FASN: variants seen among roughly 807,000 people sequenced by gnomAD.
FASN encodes the protein 3-hydroxyacyl-[acyl-carrier-protein] dehydratase.
A neutral mutation model predicts 250.0 loss-of-function variants in FASN; 50 were observed. That is an observed-to-expected ratio of 0.20 (90% CI 0.16 to 0.25). The LOEUF is 0.25. FASN is among the 10% of genes least tolerant of loss of function. The pLI is 1.00. For missense variants in FASN, 3,031 were observed against 3,498.5 expected (o/e 0.87, Z 3.37); for synonymous variants, 1,909 against 1,584.0 (o/e 1.21, Z -4.87).
rs2144792689 is a variant in FASN, at chr17:82,086,640, C to T, written c.3428-82G>A. 3 of 1,051,820 alleles carry T rather than the reference C, an allele frequency of 2.9e-6. No individual in the cohort carries two copies. The Admixed American group carries it at 5.6e-5, about 20-fold the overall frequency. The allele number at this position is 1,051,820 out of a possible 1,614,324, so 65.2% of individuals were successfully genotyped here. A position where few individuals can be genotyped will look rare whatever the true frequency, so the allele number is the denominator to read the frequency against. On this transcript the variant is annotated intron_variant, in intron 21 of 42. Transcript: ENST00000306749. ...CATGGGCTCTCAGACCCACTCTGTCCTTCTGGGGCCACCACCCCGCTCTGC... is the reference window on the plus strand; with the variant it reads ...CATGGGCTCTCAGACCCACTCTGTCTTTCTGGGGCCACCACCCCGCTCTGC...
At chr17:82,089,765 C>T (rs4969486) in intron 11 of FASN, 39 bp from the exon 12 acceptor site, 69,686 of 1,531,286 alleles carry the variant, frequency 0.046, 2,925 homozygotes, top group South Asian at 0.17. Flanking sequence ...GCGTGGACAC[C>T]GAGCCGCTCC....
rs371263473 is a variant in FASN at position 82,093,671 on chromosome 17, G to C, written c.381C>G (p.Leu127=). The change falls in exon 4 of 43, where the codon CTC becomes CTG. Residue 127 remains leucine (L), a synonymous_variant. Coordinates refer to ENST00000306749, the MANE Select transcript of FASN (RefSeq NM_004104.5). ...GGCAGCCCACCATGCTGTAGCCCAC[G>C]AGTGTCTCGGGGTCTCGGCTCAGGG... ...SEALSRDPET[L]VGYSMVGCQR... is the part of the protein sequence containing the mutation. 2.5e-6 allele frequency: 4 copies of C among 1,612,816 alleles called. No individual in the cohort carries two copies. The South Asian group carries it at 4.4e-5, about 18-fold the overall frequency.
In FASN at chr17:82,089,030, G is replaced by A. The variant is rs1253130999; in HGVS notation, c.2243C>T (p.Ala748Val). The A allele has an allele frequency of 6.2e-7, 1 of 1,607,212 alleles. No individual in the cohort carries two copies. Among genetic ancestry groups the A allele is most frequent in the Non-Finnish European group, 8.5e-7 (1 of 1,177,610 alleles). The change falls in exon 14 of 43, where the codon GCC (alanine) becomes GTC (valine). Residue 748 changes from alanine (A) to valine (V), a missense_variant. By Grantham distance (64) the Ala-to-Val change is moderately conservative (BLOSUM62 0). Transcript: ENST00000306749. Reference protein sequence around the residue: ...NLVSPVLFQEALWHVPEHAVV... With the variant: ...NLVSPVLFQEVLWHVPEHAVV... Reference sequence around the variant, plus strand: ...CGCGTGCTCAGGCACGTGCCACAGGGCCTCCTGGAACAGCACAGGGCTCAC... The same window carrying A: ...CGCGTGCTCAGGCACGTGCCACAGGACCTCCTGGAACAGCACAGGGCTCAC...
intron 28 of FASN, 28 bp from the exon 29 acceptor site, chr17:82,084,181 A>G (rs376269206): frequency 2.3e-5 from 37 of 1,606,416 alleles, no homozygotes; most frequent in Middle Eastern, 1.6e-4. Flanking sequence ...GGGTCAGCAC[A>G]GGCCTGGCCG....
chr17:82,085,932 G>A (rs1195124226), intron 22 of FASN, 61 bp from the exon 23 acceptor site: 4 of 1,458,636 alleles, frequency 2.7e-6, no homozygotes, highest in East Asian at 5.0e-5. Context: ...ACCTGGGGCT[G>A]GGCAAAATGT....
At position 82,078,794 on chromosome 17, in the gene FASN, G is replaced by A. The variant is rs980742707; in HGVS notation, c.*349C>T. Reference sequence around the variant, plus strand: ...GTCTTGGCAGGGTGGACAGGCCTGGGGGTCTCTACCAGCAATGCAATAAAT... The same window carrying A: ...GTCTTGGCAGGGTGGACAGGCCTGGAGGTCTCTACCAGCAATGCAATAAAT... On this transcript the variant is annotated 3_prime_UTR_variant, in exon 43 of 43. Transcript: ENST00000306749. The surrounding 1 kb of genome is among the most constrained non-coding windows in gnomAD (Gnocchi z 5.4). 90 of 387,018 alleles carry A rather than the reference G, an allele frequency of 2.3e-4. No individual in the cohort carries two copies. Among genetic ancestry groups the A allele is most frequent in the Admixed American group, 5.7e-4 (15 of 26,358 alleles). The allele number at this position is 387,018 out of a possible 1,614,324, so 24.0% of individuals were successfully genotyped here. A position where few individuals can be genotyped will look rare whatever the true frequency, so the allele number is the denominator to read the frequency against.
chr17:82,083,923 C>T, intron 29 of FASN, 32 bp from the exon 30 acceptor site: 1 of 1,551,860 alleles, frequency 6.4e-7, no homozygotes, highest in African/African-American at 1.4e-5. Context: ...GCTGGTGAGC[C>T]AGGGCGGCGG....
Position 82,087,956 on chromosome 17 carries a change from C to G in FASN, c.2864G>C (p.Ser955Thr), listed in dbSNP as rs201286169. ...EVSENGNLVV[S>T]GKVYQWDDPD... The stretch of plus-strand genomic sequence containing the variant: ...CCCGTGCCACCGGCCCTGCTTACCA[C>G]TCACTACCAGGTTGCCGTTCTCTGA... Residue 955 changes from serine to threonine, a missense_variant and splice_region_variant, in exon 18 of 43, where the codon AGT becomes ACT. Coordinates refer to ENST00000306749, the MANE Select transcript of FASN (RefSeq NM_004104.5). 19 of 1,612,748 alleles carry G rather than the reference C, an allele frequency of 1.2e-5. No homozygotes were observed. In the Admixed American group the frequency reaches 2.2e-4, roughly 18 times the overall value.
In FASN at chr17:82,083,610, C is replaced by T. The variant is rs1464240266; in HGVS notation, c.5248G>A (p.Glu1750Lys). 6.2e-7 allele frequency: 1 copy of T among 1,611,160 alleles called. No individual in the cohort carries two copies. The highest frequency in any genetic ancestry group is 8.5e-7 in the Non-Finnish European group (1 of 1,179,282). The change falls in exon 31 of 43, where the codon GAA (glutamate) becomes AAA (lysine). Residue 1750 changes from glutamate (E) to lysine (K), a missense_variant. Transcript: ENST00000306749. ...CTCACGCTGGCCTGCAGCTTCTCTT[C>T]CGCCAAGGAGTTCAAGACCAGGTCA... Reference protein sequence around the residue: ...GVDLVLNSLAEEKLQASVRCL... With the variant: ...GVDLVLNSLAKEKLQASVRCL...
intron 22 of FASN, 30 bp downstream of exon 22, chr17:82,086,224 C>T (rs1476732452): frequency 1.3e-6 from 2 of 1,541,324 alleles, no homozygotes; most frequent in Admixed American, 3.9e-5. Flanking sequence ...ATGTCCGGGG[C>T]AGAGGCCTGG....
At chr17:82,085,968 G>A in intron 22 of FASN, 97 bp from the exon 23 acceptor site, 1 of 1,389,440 alleles carries the variant, frequency 7.2e-7, no homozygotes, top group African/African-American at 1.4e-5. Flanking sequence ...CTGGCAGAAA[G>A]GCTTCCCCGT....
chr17:82,089,346 C>G lies in FASN; in HGVS notation c.2004G>C (p.Glu668Asp), dbSNP rs2034162227. The G allele has an allele frequency of 6.2e-7, 1 of 1,612,866 alleles. No homozygotes were observed. The highest frequency in any genetic ancestry group is 1.3e-5 in the African/African-American group (1 of 75,038). The change falls in exon 13 of 43, where the codon GAG becomes GAC. Residue 668 changes from glutamate to aspartate, a missense_variant. Glu to Asp is a conservative substitution (Grantham distance 45). Coordinates refer to ENST00000306749, the MANE Select transcript of FASN (RefSeq NM_004104.5). Reference sequence around the variant, plus strand: ...TCCGCACCTCCTTGGCAAACACACCCTCCTTCCTCAGCTGCTCCACGAACT... The same window carrying G: ...TCCGCACCTCCTTGGCAAACACACCGTCCTTCCTCAGCTGCTCCACGAACT... ...VFEFVEQLRK[E>D]GVFAKEVRTG...
chr17:82,081,427 A>G (rs1351452427), intron 37 of FASN, 75 bp from the exon 38 acceptor site: 2 of 1,564,492 alleles, frequency 1.3e-6, no homozygotes, highest in African/African-American at 1.4e-5. Context: ...GCTGACACCC[A>G]GGGGTGCGTG....
intron 1 of FASN, among the ~76,000 whole-genome samples, chr17:82,097,888 G>A (rs910573899): frequency 6.6e-6 from 1 of 152,044 alleles, no homozygotes; most frequent in African/African-American, 2.4e-5. Context: ...GCTGTTGGTG[G>A]CTTTCCCCGG....
Position 82,083,201 on chromosome 17 carries a change from C to T in FASN, c.5565+1G>A, listed in dbSNP as rs1170324729. ...CGAGGCGCCGGGACTCCTCCCCTCACCTGCACGACGACTTTGCCAATGTGC... is the reference window on the plus strand; with the variant it reads ...CGAGGCGCCGGGACTCCTCCCCTCATCTGCACGACGACTTTGCCAATGTGC... On this transcript the variant is annotated splice_donor_variant, in intron 32 of 42. Transcript: ENST00000306749. LOFTEE classifies it high-confidence loss of function. 6.2e-7 allele frequency: 1 copy of T among 1,612,454 alleles called. No individual in the cohort carries two copies. Among genetic ancestry groups the T allele is most frequent in the Non-Finnish European group, 8.5e-7 (1 of 1,179,980 alleles).
Position 82,087,335 on chromosome 17 carries a change from G to C in FASN, c.3213C>G (p.Asp1071Glu), listed in dbSNP as rs773652237. 3 of 1,611,650 alleles carry C rather than the reference G, an allele frequency of 1.9e-6. No individual in the cohort carries two copies. The highest frequency in any genetic ancestry group is 2.5e-6 in the Non-Finnish European group (3 of 1,179,782). ...THRQKLYTLQ[D>E]KAQVADVVVS... ...CTGGGGCGGGGCTACCTTGGGCCTT[G>C]TCCTGCAGTGTGTACAGCTTCTGCC... Residue 1071 changes from aspartate to glutamate, a missense_variant, in exon 20 of 43, where the codon GAC becomes GAG. Physicochemically the swap from Asp to Glu is conservative, Grantham distance 45. Transcript: ENST00000306749.
At position 82,087,316 on chromosome 17, in the gene FASN, C is replaced by CGG. The variant is rs1484783428; in HGVS notation, c.3223+7_3223+8dup. The CGG allele has an allele frequency of 9.9e-6, 16 of 1,608,950 alleles. No individual in the cohort carries two copies. Among genetic ancestry groups the CGG allele is most frequent in the Non-Finnish European group, 1.1e-5 (13 of 1,178,588 alleles). On this transcript the variant is annotated intron_variant, in intron 20 of 42. Coordinates refer to ENST00000306749, the MANE Select transcript of FASN (RefSeq NM_004104.5). ...TGGGGGCACTGGGCTGGGGCTGGGG[C>CGG]GGGGCTACCTTGGGCCTTGTCCTGC...
At chr17:82,090,241 C>G in intron 11 of FASN, 134 bp downstream of exon 11, 1 of 866,008 alleles carries the variant, frequency 1.2e-6, no homozygotes, top group Non-Finnish European at 1.7e-6. Flanking sequence ...CGGCTGTGTC[C>G]GAGCTGGGTG....
At chr17:82,090,237 T>G in intron 11 of FASN, 138 bp downstream of exon 11, 1 of 817,516 alleles carries the variant, frequency 1.2e-6, no homozygotes, top group Non-Finnish European at 1.9e-6. Context: ...CGCACGGCTG[T>G]GTCCGAGCTG....
Sources: allele counts gnomAD v4.1 joint callset (sites outside exome capture counted in the v4.1 genomes callset), GRCh38; gene constraint gnomAD v4.1.1; non-coding constraint Gnocchi (gnomAD v3.1); transcripts MANE v1.5; gene names NCBI Gene and HGNC (gene_info 2026-07-23, HGNC 2026-07-21).